BRIP1: variants seen among roughly 807,000 people sequenced by gnomAD.
BRIP1 encodes the protein BRCA1 interacting DNA helicase 1, also known as Fanconi anemia group J protein.
In BRIP1, 88 loss-of-function variants were observed where a neutral mutation model predicts 119.7. That is an observed-to-expected ratio of 0.74 (90% CI 0.62 to 0.88). The LOEUF (loss-of-function observed/expected upper bound fraction) is 0.88, where lower values mean the gene tolerates loss of function less well. Ranked by LOEUF, BRIP1 falls within the 40% of genes least tolerant of loss-of-function variation. BRIP1 has a pLI of 0.00. For synonymous variants in BRIP1, 443 were observed against 496.5 expected, an observed-to-expected ratio of 0.89 and a Z score of 1.43; for missense variants, 1,259 against 1,455.4, an observed-to-expected ratio of 0.87 and a Z score of 2.20.
chr17:61,797,153 C>A (rs992426102), intron 9 of BRIP1, among the ~76,000 whole-genome samples: 1 of 151,802 alleles, frequency 6.6e-6, no homozygotes, highest in African/African-American at 2.4e-5. Flanking sequence ...TCAGGCCTCA[C>A]CAGTACTGAA....
Position 61,680,711 on chromosome 17 carries a change from C to T in BRIP1, c.*2585G>A, listed in dbSNP as rs2061259569. ...AACCAGGATGGTCTCGATCTCCTGA[C>T]CTCGTGATCCGCCCGCCTCGGCCTC... On this transcript the variant is annotated 3_prime_UTR_variant, in exon 20 of 20. Coordinates refer to ENST00000259008, the MANE Select transcript of BRIP1 (RefSeq NM_032043.3). 6.6e-6 allele frequency among the ~76,000 whole-genome samples: 1 copy of T among 151,984 alleles called. No homozygotes were observed. The highest frequency in any genetic ancestry group is 2.1e-4 in the South Asian group (1 of 4,824).
chr17:61,861,863 TG>T lies in BRIP1; in HGVS notation c.-30-295del. On this transcript the variant is annotated intron_variant, in intron 1 of 19. Transcript: ENST00000259008. The surrounding 1 kb of genome is among the most constrained non-coding windows in gnomAD (Gnocchi z 4.5). Reference sequence around the variant, plus strand: ...TGACTGCATGTACCCCATAGGATTGTGGTAATGATTAAGTGAAATAATGTGC... The same window carrying T: ...TGACTGCATGTACCCCATAGGATTGTGTAATGATTAAGTGAAATAATGTGC... 2.4e-6 allele frequency: 1 copy of T among 418,690 alleles called. No individual in the cohort carries two copies. The highest frequency in any genetic ancestry group is 4.4e-6 in the Non-Finnish European group (1 of 225,234). 25.9% of individuals were successfully genotyped at this position (418,690 alleles called of 1,614,324 possible).
Position 61,759,005 on chromosome 17 carries a change from CATAA to C in BRIP1, c.2098-14418_2098-14415del, listed in dbSNP as rs59441826. ...CCTGGGTGACAGAGCAAGACCCTGT[CATAA>C]ATAAATAAATAAATAAATAAATAAA... On this transcript the variant is annotated intron_variant, in intron 14 of 19. Transcript: ENST00000259008. This position sits in a 1 kb window ranked among gnomAD's most constrained non-coding sequence, Gnocchi z 4.9. Among the ~76,000 whole-genome samples, 1,169 of 137,052 alleles carry C rather than the reference CATAA, an allele frequency of 8.5e-3. 16 individuals are homozygous for C. Among genetic ancestry groups the C allele is most frequent in the African/African-American group, 0.028 (1,025 of 37,124 alleles). 89.9% of individuals were successfully genotyped at this position (137,052 alleles called of 152,430 possible). A position where few individuals can be genotyped will look rare whatever the true frequency, so the allele number is the denominator to read the frequency against.
chr17:61,773,218 TAAAC>T (rs962188544), intron 14 of BRIP1, among the ~76,000 whole-genome samples: 3 of 151,648 alleles, frequency 2.0e-5, no homozygotes, highest in Non-Finnish European at 4.4e-5. Context: ...TTAAAAGAAT[TAAAC>T]AAAAACCTGC....
At chr17:61,763,332 T>G (rs1026854633) in intron 14 of BRIP1, among the ~76,000 whole-genome samples, 2 of 151,998 alleles carry the variant, frequency 1.3e-5, no homozygotes, top group Non-Finnish European at 2.9e-5. Context: ...ATGTGTCGGG[T>G]AAAGGGGTAT....
At position 61,778,801 on chromosome 17, in the gene BRIP1, C is replaced by T. The variant is rs1336695062; in HGVS notation, c.1935+1460G>A. 1.3e-5 allele frequency among the ~76,000 whole-genome samples: 2 copies of T among 152,168 alleles called. No homozygotes were observed. On this transcript the variant is annotated intron_variant, in intron 13 of 19. Coordinates refer to ENST00000259008, the MANE Select transcript of BRIP1 (RefSeq NM_032043.3). This position sits in a 1 kb window ranked among gnomAD's most constrained non-coding sequence, Gnocchi z 4.4. ...ACTCTGGCATTTGGAAAGCACAATT[C>T]TTAGTTACATAGGAGTAGCATTCTA...
At position 61,857,993 on chromosome 17, in the gene BRIP1, C is replaced by T. The variant is rs1489839573; in HGVS notation, c.206-762G>A. 3.3e-5 allele frequency among the ~76,000 whole-genome samples: 5 copies of T among 152,164 alleles called. No individual in the cohort carries two copies. Among genetic ancestry groups the T allele is most frequent in the Admixed American group, 3.3e-4 (5 of 15,288 alleles). On this transcript the variant is annotated intron_variant, in intron 3 of 19. Transcript: ENST00000259008. The surrounding 1 kb of genome is among the most constrained non-coding windows in gnomAD (Gnocchi z 5.1). ...GGGTTAAATCATTCCCCCAATTATA[C>T]TTCTATTTCAAATAGAAACATGTTT...
chr17:61,729,614 A>G lies in BRIP1; in HGVS notation c.2379+13399T>C, dbSNP rs555104729. Among the ~76,000 whole-genome samples, 14 of 152,348 alleles carry G rather than the reference A, an allele frequency of 9.2e-5. No homozygotes were observed. Among genetic ancestry groups the G allele is most frequent in the Middle Eastern group, 3.4e-3 (1 of 294 alleles). On this transcript the variant is annotated intron_variant, in intron 16 of 19. Transcript: ENST00000259008. The surrounding 1 kb of genome is among the most constrained non-coding windows in gnomAD (Gnocchi z 5.6). Reference sequence around the variant, plus strand: ...GTGGGGTGCAGGCCAAAAGACTGTTATAAGAAAAAGCTATCTACTGTATTT... The same window carrying G: ...GTGGGGTGCAGGCCAAAAGACTGTTGTAAGAAAAAGCTATCTACTGTATTT...
rs1405345085 is a variant in BRIP1, at chr17:61,735,637, A to C, written c.2379+7376T>G. On this transcript the variant is annotated intron_variant, in intron 16 of 19. Transcript: ENST00000259008. The surrounding 1 kb of genome is among the most constrained non-coding windows in gnomAD (Gnocchi z 4.4). ...GATCCTGCCTCTACAAAAAAAAAAA[A>C]ACCACGTTTAAAAATTAGCTGGGTG... 1.3e-5 allele frequency among the ~76,000 whole-genome samples: 2 copies of C among 151,866 alleles called. No individual in the cohort carries two copies. Among genetic ancestry groups the C allele is most frequent in the East Asian group, 1.9e-4 (1 of 5,158 alleles).
rs571202157 is a variant in BRIP1 at position 61,803,347 on chromosome 17, G to T, written c.919-1873C>A. On this transcript the variant is annotated intron_variant, in intron 7 of 19. Coordinates refer to ENST00000259008, the MANE Select transcript of BRIP1 (RefSeq NM_032043.3). This position sits in a 1 kb window ranked among gnomAD's most constrained non-coding sequence, Gnocchi z 4.3. ...GATCCGCCTGCCTCGGCCTCCCAAAGTGCTGGGGATTACAGGCATGAGCCA... is the reference window on the plus strand; with the variant it reads ...GATCCGCCTGCCTCGGCCTCCCAAATTGCTGGGGATTACAGGCATGAGCCA... Among the ~76,000 whole-genome samples the T allele has an allele frequency of 6.6e-6, 1 of 152,230 alleles. No homozygotes were observed. Among genetic ancestry groups the T allele is most frequent in the Non-Finnish European group, 1.5e-5 (1 of 68,014 alleles).
Position 61,722,636 on chromosome 17 carries a change from C to T in BRIP1, c.2380-6573G>A, listed in dbSNP as rs1007733660. On this transcript the variant is annotated intron_variant, in intron 16 of 19. Transcript: ENST00000259008. The surrounding 1 kb of genome is among the most constrained non-coding windows in gnomAD (Gnocchi z 4.6). ...GCTTATGTGTTTTCAAAATTTCCTA[C>T]ACCATGGACAGACTGATACATTATA... Among the ~76,000 whole-genome samples, 2 of 152,184 alleles carry T rather than the reference C, an allele frequency of 1.3e-5. No homozygotes were observed. The highest frequency in any genetic ancestry group is 3.9e-4 in the East Asian group (2 of 5,194).
rs1409527648 is a variant in BRIP1 at position 61,814,929 on chromosome 17, C to G, written c.628-6172G>C. Among the ~76,000 whole-genome samples the G allele has an allele frequency of 2.6e-5, 4 of 151,820 alleles. No individual in the cohort carries two copies. The highest frequency in any genetic ancestry group is 2.0e-4 in the Admixed American group (3 of 15,248). Reference sequence around the variant, plus strand: ...ATCGACATCGATAAACATGAACAAGCAGTTGAACAGGCTGAGTATGGCTTA... The same window carrying G: ...ATCGACATCGATAAACATGAACAAGGAGTTGAACAGGCTGAGTATGGCTTA... On this transcript the variant is annotated intron_variant, in intron 6 of 19. Coordinates refer to ENST00000259008, the MANE Select transcript of BRIP1 (RefSeq NM_032043.3). The surrounding 1 kb of genome is among the most constrained non-coding windows in gnomAD (Gnocchi z 4.9).
At position 61,828,976 on chromosome 17, in the gene BRIP1, G is replaced by A. The variant is rs1184607012; in HGVS notation, c.627+18125C>T. 6.6e-6 allele frequency among the ~76,000 whole-genome samples: 1 copy of A among 152,114 alleles called. No homozygotes were observed. Among genetic ancestry groups the A allele is most frequent in the Non-Finnish European group, 1.5e-5 (1 of 67,992 alleles). On this transcript the variant is annotated intron_variant, in intron 6 of 19. Coordinates refer to ENST00000259008, the MANE Select transcript of BRIP1 (RefSeq NM_032043.3). The surrounding 1 kb of genome is among the most constrained non-coding windows in gnomAD (Gnocchi z 4.1). ...CAACTCACAAAAATAAAACTAAGAG[G>A]TATACTTAAGAAGACAGTGGTGAAG...
chr17:61,825,334 C>T lies in BRIP1; in HGVS notation c.628-16577G>A, dbSNP rs1334136184. On this transcript the variant is annotated intron_variant, in intron 6 of 19. Coordinates refer to ENST00000259008, the MANE Select transcript of BRIP1 (RefSeq NM_032043.3). The surrounding 1 kb of genome is among the most constrained non-coding windows in gnomAD (Gnocchi z 4.1). Reference sequence around the variant, plus strand: ...AAGAAAAGAAAAGGAAGCCCTCTCTCACCACTCTTATTAAACATATTATTG... The same window carrying T: ...AAGAAAAGAAAAGGAAGCCCTCTCTTACCACTCTTATTAAACATATTATTG... Among the ~76,000 whole-genome samples the T allele has an allele frequency of 6.6e-6, 1 of 151,620 alleles. No homozygotes were observed. The highest frequency in any genetic ancestry group is 1.5e-5 in the Non-Finnish European group (1 of 67,888).
chr17:61,680,878 C>T lies in BRIP1; in HGVS notation c.*2418G>A, dbSNP rs1326525343. On this transcript the variant is annotated 3_prime_UTR_variant, in exon 20 of 20. Coordinates refer to ENST00000259008, the MANE Select transcript of BRIP1 (RefSeq NM_032043.3). ...TATTATGCACATATACCATCTGTGT[C>T]AGTCTGTTCTCATGCTGCTAATAAA... Among the ~76,000 whole-genome samples, 1 of 152,042 alleles carries T rather than the reference C, an allele frequency of 6.6e-6. No individual in the cohort carries two copies. The highest frequency in any genetic ancestry group is 1.5e-5 in the Non-Finnish European group (1 of 68,018).
chr17:61,815,245 G>A lies in BRIP1; in HGVS notation c.628-6488C>T, dbSNP rs2078219639. ...TTTCAACCTAATTTATTAGGAAATG[G>A]GTTCTCAAATTAGGGTCCATGGGCT... On this transcript the variant is annotated intron_variant, in intron 6 of 19. Coordinates refer to ENST00000259008, the MANE Select transcript of BRIP1 (RefSeq NM_032043.3). This position sits in a 1 kb window ranked among gnomAD's most constrained non-coding sequence, Gnocchi z 4.1. 6.6e-6 allele frequency among the ~76,000 whole-genome samples: 1 copy of A among 151,966 alleles called. No homozygotes were observed. Among genetic ancestry groups the A allele is most frequent in the Non-Finnish European group, 1.5e-5 (1 of 67,960 alleles).
chr17:61,771,514 C>A (rs1437057739), intron 14 of BRIP1, among the ~76,000 whole-genome samples: 1 of 152,120 alleles, frequency 6.6e-6, no homozygotes, highest in Admixed American at 6.5e-5. Flanking sequence ...GGAGATACTA[C>A]ACTTTATACC....
At chr17:61,772,359 T>G (rs990908473) in intron 14 of BRIP1, among the ~76,000 whole-genome samples, 3 of 151,478 alleles carry the variant, frequency 2.0e-5, no homozygotes, top group Non-Finnish European at 2.9e-5. Context: ...AATAGCCAAA[T>G]TCACAGAGAC....
intron 11 of BRIP1, among the ~76,000 whole-genome samples, chr17:61,782,388 G>GAA (rs10661242): frequency 0.96 from 108,499 of 113,018 alleles, 52,180 homozygotes; most frequent in East Asian, 0.99. Flanking sequence ...TCCCGTCTCA[G>GAA]AAAAAAAAAA....
Sources: allele counts gnomAD v4.1 joint callset (sites outside exome capture counted in the v4.1 genomes callset), GRCh38; gene constraint gnomAD v4.1.1; non-coding constraint Gnocchi (gnomAD v3.1); transcripts MANE v1.5; gene names NCBI Gene and HGNC (gene_info 2026-07-23, HGNC 2026-07-21).